The following CSN1S1 variants were observed in gnomAD, a reference collection of about 807,000 sequenced individuals.
CSN1S1 encodes alpha-S1-casein.
Under a neutral mutation model 49.1 loss-of-function variants are expected in CSN1S1, and 63 were observed. That is an observed-to-expected ratio of 1.28 (90% CI 1.05 to 1.58). The LOEUF is 1.58. Among genes scored for constraint, CSN1S1 ranks in the 40% most tolerant of loss-of-function variants. The pLI, the probability that CSN1S1 is intolerant of heterozygous loss-of-function variation, is 0.00. For synonymous variants in CSN1S1, 78 were observed against 67.1 expected (o/e 1.16, Z -0.79); for missense variants, 260 against 224.7 (o/e 1.16, Z -1.01).
At chr4:69,939,875 TA>T (rs1388941529) in intron 10 of CSN1S1, 145 bp from the exon 11 acceptor site, 1 of 527,730 alleles carries the variant, frequency 1.9e-6, no homozygotes, top group Non-Finnish European at 3.4e-6. Flanking sequence ...TTCAAATTAT[TA>T]ATCTTGTCTC....
chr4:69,939,271 C>A (rs981108833), intron 10 of CSN1S1, 63 bp downstream of exon 10: 1 of 1,234,496 alleles, frequency 8.1e-7, no homozygotes, highest in South Asian at 1.3e-5. Flanking sequence ...AAACTTGTAC[C>A]GTGAGGATTA....
At chr4:69,936,406 G>A (rs1020568232) in intron 5 of CSN1S1, 50 bp from the exon 6 acceptor site, 1 of 1,347,762 alleles carries the variant, frequency 7.4e-7, no homozygotes, top group Non-Finnish European at 1.1e-6. Flanking sequence ...TTCCACTCAT[G>A]TATGTCTTGT....
intron 12 of CSN1S1, among the ~76,000 whole-genome samples, chr4:69,941,835 A>G (rs1374686119): frequency 1.3e-5 from 2 of 151,900 alleles, no homozygotes; most frequent in Admixed American, 1.3e-4. Context: ...CCTGAATAAT[A>G]TATTTTAGTA....
At chr4:69,932,124 C>T (rs1389149141) in intron 1 of CSN1S1, among the ~76,000 whole-genome samples, 2 of 151,772 alleles carry the variant, frequency 1.3e-5, no homozygotes, top group African/African-American at 4.8e-5. Flanking sequence ...AATTAAATTC[C>T]AGTTCTCAGT....
intron 11 of CSN1S1, 56 bp downstream of exon 11, chr4:69,940,100 T>A: frequency 1.3e-6 from 1 of 757,952 alleles, no homozygotes; most frequent in South Asian, 2.2e-5. Flanking sequence ...ATAATTAAAA[T>A]GCACTTACTT....
At chr4:69,942,480 A>G in intron 13 of CSN1S1, 56 bp from the exon 14 acceptor site, 1 of 1,303,238 alleles carries the variant, frequency 7.7e-7, no homozygotes, top group Non-Finnish European at 1.1e-6. Flanking sequence ...ATGTAAGATA[A>G]ATGTGTTGTA....
chr4:69,940,391 T>A (rs987325616), intron 11 of CSN1S1, among the ~76,000 whole-genome samples: 4 of 151,812 alleles, frequency 2.6e-5, no homozygotes, highest in African/African-American at 9.7e-5. Flanking sequence ...TTTAGTTGAA[T>A]ATTTGTAATT....
intron 14 of CSN1S1, 64 bp from the exon 15 acceptor site, chr4:69,944,786 T>G: frequency 2.6e-6 from 4 of 1,525,158 alleles, no homozygotes; most frequent in Non-Finnish European, 3.6e-6. Flanking sequence ...GTATTGATAT[T>G]TTTCAGGGAC....
intron 5 of CSN1S1, 65 bp from the exon 6 acceptor site, chr4:69,936,391 T>C: frequency 3.2e-6 from 4 of 1,233,114 alleles, no homozygotes; most frequent in Non-Finnish European, 4.7e-6. Context: ...CAGTTTCTCA[T>C]AGATTTCCAC....
intron 5 of CSN1S1, 52 bp from the exon 6 acceptor site, chr4:69,936,404 A>G (rs981665880): frequency 7.5e-7 from 1 of 1,328,956 alleles, no homozygotes; most frequent in Non-Finnish European, 1.1e-6. Context: ...ATTTCCACTC[A>G]TGTATGTCTT....
chr4:69,941,749 G>A (rs1205182857), intron 12 of CSN1S1, among the ~76,000 whole-genome samples: 3 of 151,818 alleles, frequency 2.0e-5, no homozygotes, highest in South Asian at 4.1e-4. Context: ...GGTAACTTGT[G>A]TTTAAAATAG....
At position 69,942,562 on chromosome 4, in the gene CSN1S1, C is replaced by G; in HGVS notation, c.387C>G (p.Asn129Lys). ...AGCAAATTCGCAGAATGAATGAAAA[C>G]AGCCATGTCCAAGTGGTAATATTTT... ...AQEQIRRMNE[N>K]SHVQVPFQQL... Residue 129 changes from asparagine (N) to lysine (K), a missense_variant, in exon 14 of 16, where the codon AAC (asparagine) becomes AAG (lysine). Physicochemically the swap from Asn to Lys is moderately conservative, Grantham distance 94. Transcript: ENST00000246891. 1 of 1,587,202 alleles carries G rather than the reference C, an allele frequency of 6.3e-7. No individual in the cohort carries two copies. Among genetic ancestry groups the G allele is most frequent in the Non-Finnish European group, 8.6e-7 (1 of 1,165,004 alleles).
rs1560386765 is a variant in CSN1S1 at position 69,935,911 on chromosome 4, C to T, written c.106-15C>T. The T allele has an allele frequency of 3.1e-6, 4 of 1,308,520 alleles. No individual in the cohort carries two copies. The highest frequency in any genetic ancestry group is 4.2e-6 in the Non-Finnish European group (4 of 961,662). 81.1% of individuals were successfully genotyped at this position (1,308,520 alleles called of 1,614,324 possible). On this transcript the variant is annotated splice_polypyrimidine_tract_variant and intron_variant, in intron 4 of 15. Transcript: ENST00000246891. ...CAACTATGAATGAATTTTAACATAA[C>T]TTTTTTTTTTGTAGCCTATACCATT...
chr4:69,939,966 A>C (rs1009629030), intron 10 of CSN1S1, 55 bp from the exon 11 acceptor site: 3 of 1,021,766 alleles, frequency 2.9e-6, no homozygotes, highest in Non-Finnish European at 4.2e-6. Context: ...TTTTAACTTT[A>C]AATGTAAATT....
chr4:69,932,146 T>A (rs1320672324), intron 1 of CSN1S1, among the ~76,000 whole-genome samples: 2 of 152,102 alleles, frequency 1.3e-5, no homozygotes, highest in Admixed American at 1.3e-4. Context: ...GATTTAACTT[T>A]ATTGCCCACT....
chr4:69,937,702 T>G (rs535462594), intron 8 of CSN1S1, 98 bp from the exon 9 acceptor site: 1 of 937,510 alleles, frequency 1.1e-6, no homozygotes, highest in Non-Finnish European at 1.6e-6. Context: ...TGTCTCAGTT[T>G]TCTATTTTCT....
intron 1 of CSN1S1, among the ~76,000 whole-genome samples, chr4:69,931,553 T>C (rs964770885): frequency 6.6e-6 from 1 of 151,956 alleles, no homozygotes; most frequent in Non-Finnish European, 1.5e-5. Context: ...AAATTAACTC[T>C]ACAATGTGAA....
chr4:69,940,111 TCACACACACACACACACACACACACA>T, intron 11 of CSN1S1, 67 bp downstream of exon 11: 1 of 404,084 alleles, frequency 2.5e-6, no homozygotes, highest in Non-Finnish European at 4.5e-6. Flanking sequence ...GCACTTACTT[TCACACACACACACACACACACACACA>T]CACACACACA....
intron 4 of CSN1S1, among the ~76,000 whole-genome samples, chr4:69,935,479 G>A (rs1171971751): frequency 5.9e-5 from 9 of 151,982 alleles, no homozygotes; most frequent in Non-Finnish European, 7.4e-5. Flanking sequence ...GAGCATGGGC[G>A]GTTAAAGCTG....
Sources: allele counts gnomAD v4.1 joint callset (sites outside exome capture counted in the v4.1 genomes callset), GRCh38; gene constraint gnomAD v4.1.1; transcripts MANE v1.5; gene names NCBI Gene and HGNC (gene_info 2026-07-23, HGNC 2026-07-21).